Variants in SULF2 observed in about 807,000 individuals in gnomAD.
SULF2 encodes the protein sulfatase 2.
In SULF2, 52 loss-of-function variants were observed where a neutral mutation model predicts 107.7. That is an observed-to-expected ratio of 0.48 (90% CI 0.39 to 0.61). The LOEUF (loss-of-function observed/expected upper bound fraction) is 0.61. Among genes scored for constraint, SULF2 ranks in the 20% least tolerant of loss-of-function variants. SULF2 has a pLI of 0.00. For synonymous variants in SULF2, 460 were observed against 464.3 expected (o/e 0.99, Z 0.12); for missense variants, 993 against 1,177.3 (o/e 0.84, Z 2.29).
At chr20:47,670,994 CG>C (rs1483833853) in intron 11 of SULF2, among the ~76,000 whole-genome samples, 1 of 151,920 alleles carries the variant, frequency 6.6e-6, no homozygotes, top group Admixed American at 6.5e-5. Context: ...TTCTAGCCGG[CG>C]GACCCCGACG....
In SULF2 at chr20:47,665,299, G is replaced by T; in HGVS notation, c.1903-6C>A. On this transcript the variant is annotated splice_region_variant and splice_polypyrimidine_tract_variant and intron_variant, in intron 13 of 20. Transcript: ENST00000688720. ...TTGTTCTGCAGGGTTTCAATCTGAG[G>T]GAGGGGCAGAAGAGGAGGCCTTGAA... 6.3e-7 allele frequency: 1 copy of T among 1,595,832 alleles called. No individual in the cohort carries two copies.
intron 14 of SULF2, 79 bp from the exon 15 acceptor site, chr20:47,664,268 G>T: frequency 2.8e-6 from 4 of 1,413,032 alleles, no homozygotes; most frequent in Non-Finnish European, 2.9e-6. Flanking sequence ...GTGATTTCTG[G>T]GACTCCCATG....
chr20:47,704,354 C>A (rs1307722094), intron 3 of SULF2, among the ~76,000 whole-genome samples: 1 of 152,094 alleles, frequency 6.6e-6, no homozygotes, highest in Non-Finnish European at 1.5e-5. Flanking sequence ...CTCACTGCAG[C>A]CTCAACCTCC....
chr20:47,774,173 C>T (rs1225534361), intron 1 of SULF2, among the ~76,000 whole-genome samples: 4 of 152,226 alleles, frequency 2.6e-5, no homozygotes, highest in Admixed American at 1.3e-4. Context: ...AACGACAGGT[C>T]GGCTTCCCAA....
intron 1 of SULF2, among the ~76,000 whole-genome samples, chr20:47,784,132 C>G (rs1259705501): frequency 1.3e-5 from 2 of 152,134 alleles, no homozygotes; most frequent in African/African-American, 2.4e-5. Context: ...CCTGTCTCCC[C>G]CTGAGAACCT....
chr20:47,767,274 A>G (rs375436477), intron 1 of SULF2, among the ~76,000 whole-genome samples: 11 of 152,336 alleles, frequency 7.2e-5, no homozygotes, highest in South Asian at 4.1e-4. Flanking sequence ...CAAGTGCCCA[A>G]TAAATGCTGG....
At chr20:47,688,473 G>A (rs1328505377) in intron 5 of SULF2, among the ~76,000 whole-genome samples, 1 of 152,236 alleles carries the variant, frequency 6.6e-6, no homozygotes, top group African/African-American at 2.4e-5. Context: ...ACCGCTCGCT[G>A]CTGTTTGGGG....
chr20:47,722,454 G>T (rs1402283046), intron 3 of SULF2, among the ~76,000 whole-genome samples: 1 of 151,924 alleles, frequency 6.6e-6, no homozygotes, highest in Non-Finnish European at 1.5e-5. Flanking sequence ...TAGAGACAGG[G>T]TCTCTCTATG....
intron 3 of SULF2, among the ~76,000 whole-genome samples, chr20:47,707,552 C>A (rs1035194038): frequency 1.6e-4 from 24 of 152,186 alleles, no homozygotes; most frequent in Non-Finnish European, 2.6e-4. Context: ...CCCTTACAAC[C>A]TAGTTCCACC....
intron 5 of SULF2, among the ~76,000 whole-genome samples, chr20:47,687,034 G>A (rs777585674): frequency 8.9e-4 from 136 of 152,336 alleles, no homozygotes; most frequent in Non-Finnish European, 1.9e-4. Flanking sequence ...CGCTCTCAGA[G>A]CAGCGAGCGT....
intron 18 of SULF2, among the ~76,000 whole-genome samples, chr20:47,661,121 A>G (rs2087051530): frequency 6.6e-6 from 1 of 152,096 alleles, no homozygotes; most frequent in Non-Finnish European, 1.5e-5. Flanking sequence ...GTGGCCTAGG[A>G]AGCCCCACAC....
At chr20:47,771,570 A>C (rs1394003895) in intron 1 of SULF2, among the ~76,000 whole-genome samples, 1 of 152,194 alleles carries the variant, frequency 6.6e-6, no homozygotes, top group East Asian at 1.9e-4. Flanking sequence ...GAAATTTTCC[A>C]ACTCAGCCTC....
intron 3 of SULF2, among the ~76,000 whole-genome samples, chr20:47,721,684 T>C (rs1420115776): frequency 6.6e-6 from 1 of 152,224 alleles, no homozygotes; most frequent in Non-Finnish European, 1.5e-5. Flanking sequence ...TGTGGGTTTC[T>C]ATAGTGGATA....
At chr20:47,683,408 T>A (rs2087895441) in intron 6 of SULF2, among the ~76,000 whole-genome samples, 1 of 152,234 alleles carries the variant, frequency 6.6e-6, no homozygotes, top group Non-Finnish European at 1.5e-5. Flanking sequence ...CTTTTACTTA[T>A]CTGTGGATCA....
In SULF2 at chr20:47,741,416, C is replaced by T. The variant is rs187404943; in HGVS notation, c.176-4474G>A. Among the ~76,000 whole-genome samples, 18 of 152,238 alleles carry T rather than the reference C, an allele frequency of 1.2e-4. No individual in the cohort carries two copies. In the East Asian group the frequency reaches 2.7e-3, roughly 23 times the overall value. On this transcript the variant is annotated intron_variant, in intron 2 of 20. Coordinates refer to ENST00000688720, the MANE Select transcript of SULF2 (RefSeq NM_001387048.1). ...TGCCCTCACCCCCTTCTTGTCTTTA[C>T]TCAAAAGTTCCCTTCTCCGTGGAGT...
chr20:47,709,353 G>A (rs952507920), intron 3 of SULF2, among the ~76,000 whole-genome samples: 1 of 152,192 alleles, frequency 6.6e-6, no homozygotes, highest in Non-Finnish European at 1.5e-5. Context: ...GCTGGCTGGC[G>A]ACTGCCCCTG....
At chr20:47,768,335 A>C (rs2090563768) in intron 1 of SULF2, among the ~76,000 whole-genome samples, 1 of 152,180 alleles carries the variant, frequency 6.6e-6, no homozygotes, top group Non-Finnish European at 1.5e-5. Flanking sequence ...AGGCCCAATA[A>C]ATTCCTCTTT....
chr20:47,781,899 G>A (rs59167855), intron 1 of SULF2, among the ~76,000 whole-genome samples: 7,673 of 152,258 alleles, frequency 0.05, 225 homozygotes, highest in Middle Eastern at 0.092. Context: ...CCTCATGGAA[G>A]GCAGAGGAGC....
chr20:47,745,456 TAC>T (rs200705450), intron 2 of SULF2, among the ~76,000 whole-genome samples: 2,976 of 15,294 alleles, frequency 0.19, 278 homozygotes, highest in Non-Finnish European at 0.23. Context: ...TATATATATA[TAC>T]ACATACACAC....
Sources: gnomAD v4.1 joint callset for allele counts (sites outside exome capture counted in the v4.1 genomes callset) on GRCh38, gnomAD v4.1.1 for gene constraint, MANE v1.5 for transcripts, NCBI Gene and HGNC (gene_info 2026-07-23, HGNC 2026-07-21) for gene names.